OTUD7A: variants seen among roughly 807,000 people sequenced by gnomAD.
OTUD7A encodes OTU deubiquitinase 7A.
A neutral mutation model predicts 65.7 loss-of-function variants in OTUD7A; 12 were observed. The ratio of observed to expected loss-of-function variants is 0.18; its 90% CI spans 0.12 to 0.30. The LOEUF (loss-of-function observed/expected upper bound fraction) is 0.30, where lower values mean the gene tolerates loss of function less well. OTUD7A is among the 10% of genes least tolerant of loss of function. The probability of loss-of-function intolerance (pLI) is 1.00; values close to 1 mark genes in which losing one functional copy is unlikely to be tolerated. For synonymous variants in OTUD7A, 641 were observed against 586.3 expected, an observed-to-expected ratio of 1.09 and a Z score of -1.35; for missense variants, 1,148 against 1,304.8, an observed-to-expected ratio of 0.88 and a Z score of 1.85.
intron 10 of OTUD7A, among the ~76,000 whole-genome samples, chr15:31,494,353 T>G (rs2041356108): frequency 6.6e-6 from 1 of 152,166 alleles, no homozygotes; most frequent in Non-Finnish European, 1.5e-5. Flanking sequence ...CAGTAAAAAG[T>G]GGCTGTGTGT....
intron 9 of OTUD7A, among the ~76,000 whole-genome samples, chr15:31,502,485 G>C (rs16956805): frequency 0.11 from 16,557 of 152,212 alleles, 2,403 homozygotes; most frequent in African/African-American, 0.34. Flanking sequence ...GCCCTAGAGT[G>C]AGTGTATTGC....
chr15:31,800,563 G>T (rs1039897654), intron 1 of OTUD7A, among the ~76,000 whole-genome samples: 9 of 152,152 alleles, frequency 5.9e-5, no homozygotes, highest in African/African-American at 2.2e-4. Context: ...TCTGTGGCTG[G>T]TTACTGTGGT....
intron 3 of OTUD7A, among the ~76,000 whole-genome samples, chr15:31,622,649 C>G (rs1890827516): frequency 6.6e-6 from 1 of 152,166 alleles, no homozygotes; most frequent in Non-Finnish European, 1.5e-5. Flanking sequence ...ATTGGTTATT[C>G]TAGCTAGCCA....
intron 1 of OTUD7A, chr15:31,766,677 G>C: frequency 6.2e-7 from 1 of 1,603,048 alleles, no homozygotes; most frequent in Non-Finnish European, 8.5e-7. Context: ...GTTCTGACTT[G>C]CATTTCCCAT....
intron 1 of OTUD7A, among the ~76,000 whole-genome samples, chr15:31,748,125 A>G (rs1488224977): frequency 6.6e-6 from 1 of 152,178 alleles, no homozygotes; most frequent in East Asian, 1.9e-4. Flanking sequence ...CATTATTGAG[A>G]GAATTGATAA....
At chr15:31,606,461 T>C (rs1055475231) in intron 3 of OTUD7A, among the ~76,000 whole-genome samples, 4 of 152,194 alleles carry the variant, frequency 2.6e-5, no homozygotes, top group African/African-American at 9.6e-5. Flanking sequence ...TAGTCAGAAA[T>C]GGATGAATAA....
chr15:31,536,719 T>C (rs1887814483), intron 5 of OTUD7A, among the ~76,000 whole-genome samples: 1 of 152,200 alleles, frequency 6.6e-6, no homozygotes, highest in Non-Finnish European at 1.5e-5. Context: ...GTCATTATCC[T>C]AAGTGAAATA....
intron 5 of OTUD7A, among the ~76,000 whole-genome samples, chr15:31,544,649 T>C (rs984723800): frequency 6.6e-6 from 1 of 151,804 alleles, no homozygotes; most frequent in African/African-American, 2.4e-5. Flanking sequence ...TTTCAAAATA[T>C]ATAAAGCAAA....
intron 8 of OTUD7A, among the ~76,000 whole-genome samples, chr15:31,519,141 T>C (rs200496538): frequency 9.5e-5 from 14 of 146,598 alleles, no homozygotes; most frequent in East Asian, 4.1e-4. Context: ...TGTGTGTGTG[T>C]GCACGCACGC....
intron 1 of OTUD7A, among the ~76,000 whole-genome samples, chr15:31,819,543 G>A (rs1286814994): frequency 6.6e-6 from 1 of 152,110 alleles, no homozygotes; most frequent in Non-Finnish European, 1.5e-5. Flanking sequence ...AAATCTGGAA[G>A]GACAGATACC....
chr15:31,680,216 A>AT (rs1004130897), intron 1 of OTUD7A, among the ~76,000 whole-genome samples: 1 of 152,232 alleles, frequency 6.6e-6, no homozygotes, highest in Non-Finnish European at 1.5e-5. Flanking sequence ...AGCAGGGGGC[A>AT]TTTTTTTAGT....
intron 1 of OTUD7A, among the ~76,000 whole-genome samples, chr15:31,847,067 C>A (rs1467729205): frequency 6.6e-6 from 1 of 152,208 alleles, no homozygotes; most frequent in Non-Finnish European, 1.5e-5. Context: ...GGGCAGGGCA[C>A]CCCGCAGGCC....
At chr15:31,652,830 C>G (rs1386168873) in intron 3 of OTUD7A, among the ~76,000 whole-genome samples, 1 of 152,042 alleles carries the variant, frequency 6.6e-6, no homozygotes. Flanking sequence ...GAAGAAATAC[C>G]AAGTGTTGAC....
At position 31,498,785 on chromosome 15, in the gene OTUD7A, A is replaced by G. The variant is rs1016425798; in HGVS notation, c.1171+2905T>C. 6.6e-6 allele frequency among the ~76,000 whole-genome samples: 1 copy of G among 152,222 alleles called. No homozygotes were observed. The highest frequency in any genetic ancestry group is 1.5e-5 in the Non-Finnish European group (1 of 68,036). ...ACCATCATGTGTGGAAGCTACCAAG[A>G]AAGAATGCATACATTTTATCTAAAA... On this transcript the variant is annotated intron_variant, in intron 10 of 12. Transcript: ENST00000307050. The surrounding 1 kb of genome is among the most constrained non-coding windows in gnomAD (Gnocchi z 4.2).
chr15:31,617,065 T>C (rs1348670096), intron 3 of OTUD7A, among the ~76,000 whole-genome samples: 1 of 152,036 alleles, frequency 6.6e-6, no homozygotes, highest in Non-Finnish European at 1.5e-5. Flanking sequence ...TCACAAATGC[T>C]GAGAGGGTAG....
intron 10 of OTUD7A, among the ~76,000 whole-genome samples, chr15:31,492,039 T>G (rs1430867157): frequency 6.6e-6 from 1 of 152,252 alleles, no homozygotes; most frequent in Non-Finnish European, 1.5e-5. Flanking sequence ...AGTAGAAACT[T>G]GTATTTACAC....
intron 1 of OTUD7A, among the ~76,000 whole-genome samples, chr15:31,820,979 G>C (rs899997968): frequency 6.6e-6 from 1 of 151,986 alleles, no homozygotes; most frequent in Non-Finnish European, 1.5e-5. Flanking sequence ...CCCAGCCCTA[G>C]GCAACCACGA....
intron 1 of OTUD7A, among the ~76,000 whole-genome samples, chr15:31,830,513 G>A (rs1896903933): frequency 1.3e-5 from 2 of 152,356 alleles, no homozygotes; most frequent in South Asian, 4.1e-4. Context: ...CGTCAATTTT[G>A]AAAGATTAGA....
At chr15:31,855,874 T>G (rs940407290) in intron 1 of OTUD7A, among the ~76,000 whole-genome samples, 1 of 152,208 alleles carries the variant, frequency 6.6e-6, no homozygotes, top group African/African-American at 2.4e-5. Context: ...AGGGATTGAA[T>G]GGAGGCTATA....
Sources: gnomAD v4.1 joint callset for allele counts (sites outside exome capture counted in the v4.1 genomes callset) on GRCh38, gnomAD v4.1.1 for gene constraint, Gnocchi (gnomAD v3.1) non-coding constraint, MANE v1.5 for transcripts, NCBI Gene and HGNC (gene_info 2026-07-23, HGNC 2026-07-21) for gene names.